PTPRO: variants seen among roughly 807,000 people sequenced by gnomAD.
The protein encoded by PTPRO is protein tyrosine phosphatase receptor type O.
In PTPRO, 62 loss-of-function variants were observed where a neutral mutation model predicts 145.2. The ratio of observed to expected loss-of-function variants is 0.43; its 90% CI spans 0.35 to 0.53. The LOEUF is 0.53. Ranked by LOEUF, PTPRO falls within the 20% of genes least tolerant of loss-of-function variation. The pLI, the probability that PTPRO is intolerant of heterozygous loss-of-function variation, is 0.01. For missense variants in PTPRO, 1,345 were observed against 1,482.7 expected, an observed-to-expected ratio of 0.91 and a Z score of 1.53; for synonymous variants, 565 against 514.7, an observed-to-expected ratio of 1.10 and a Z score of -1.32.
At chr12:15,327,700 T>G (rs1294808810) in intron 1 of PTPRO, among the ~76,000 whole-genome samples, 2 of 152,178 alleles carry the variant, frequency 1.3e-5, no homozygotes, top group Non-Finnish European at 2.9e-5. Flanking sequence ...TGTCATTGAT[T>G]TGAGGAACCC....
chr12:15,583,929 T>A (rs1944376982), intron 23 of PTPRO, among the ~76,000 whole-genome samples: 1 of 152,234 alleles, frequency 6.6e-6, no homozygotes, highest in East Asian at 1.9e-4. Context: ...TCTAACAGGC[T>A]GTGTTTCGTG....
chr12:15,344,838 T>C (rs1357213614), intron 1 of PTPRO, among the ~76,000 whole-genome samples: 1 of 152,202 alleles, frequency 6.6e-6, no homozygotes, highest in Non-Finnish European at 1.5e-5. Flanking sequence ...ACAATGTTCC[T>C]GCTCGGGAAG....
At chr12:15,483,772 A>G (rs1318479759) in intron 1 of PTPRO, among the ~76,000 whole-genome samples, 1 of 152,024 alleles carries the variant, frequency 6.6e-6, no homozygotes, top group Non-Finnish European at 1.5e-5. Context: ...GAAGATTATT[A>G]ATCCTAAGAA....
intron 1 of PTPRO, among the ~76,000 whole-genome samples, chr12:15,346,046 GGT>G (rs1320591523): frequency 6.6e-6 from 1 of 151,996 alleles, no homozygotes; most frequent in African/African-American, 2.4e-5. Context: ...TCATTTCTCT[GGT>G]GCCTTGATCA....
At chr12:15,323,922 T>C (rs1414843811) in intron 1 of PTPRO, among the ~76,000 whole-genome samples, 1 of 152,156 alleles carries the variant, frequency 6.6e-6, no homozygotes, top group Non-Finnish European at 1.5e-5. Flanking sequence ...ATATTTTCAT[T>C]TATCTTAATG....
chr12:15,460,037 G>A (rs556594202), intron 1 of PTPRO, among the ~76,000 whole-genome samples: 19 of 152,238 alleles, frequency 1.2e-4, no homozygotes, highest in African/African-American at 4.3e-4. Context: ...TTGCTAAGAA[G>A]GCTTCACATT....
Position 15,465,628 on chromosome 12 carries a change from G to C in PTPRO, c.76-18346G>C, listed in dbSNP as rs574318667. Among the ~76,000 whole-genome samples, 13 of 152,294 alleles carry C rather than the reference G, an allele frequency of 8.5e-5. 2 individuals are homozygous for C. The highest frequency in any genetic ancestry group is 3.1e-4 in the African/African-American group (13 of 41,562). The stretch of plus-strand genomic sequence containing the variant: ...CGATTCTTTCTGGGGTATCCTAAAG[G>C]CTTCTCACAGAAAGTGGCACTTGAA... On this transcript the variant is annotated intron_variant, in intron 1 of 26. Transcript: ENST00000281171.
intron 10 of PTPRO, among the ~76,000 whole-genome samples, chr12:15,522,796 T>A (rs1161369244): frequency 6.6e-6 from 1 of 152,170 alleles, no homozygotes; most frequent in Non-Finnish European, 1.5e-5. Context: ...CTTCCAGCAA[T>A]ATGCTAGGTT....
chr12:15,569,442 G>T lies in PTPRO; in HGVS notation c.2773G>T (p.Ala925Ser). 6.2e-7 allele frequency: 1 copy of T among 1,613,686 alleles called. No individual in the cohort carries two copies. The highest frequency in any genetic ancestry group is 8.5e-7 in the Non-Finnish European group (1 of 1,179,680). The stretch of plus-strand genomic sequence containing the variant: ...CCCGGTTCAACTGGATGACTTTGAT[G>T]CCTATATTAAGGATATGGCCAAAGA... ...TNPVQLDDFD[A>S]YIKDMAKDSD... Residue 925 changes from alanine to serine, a missense_variant, in exon 19 of 27, where the codon GCC becomes TCC. Ala to Ser is a moderately conservative substitution (Grantham distance 99, BLOSUM62 1). This residue lies in a region of PTPRO where 1,130 missense variants were observed against 1,214.7 expected (regional missense o/e 0.93). Transcript: ENST00000281171.
At chr12:15,426,901 A>G (rs1940301009) in intron 1 of PTPRO, among the ~76,000 whole-genome samples, 1 of 152,110 alleles carries the variant, frequency 6.6e-6, no homozygotes, top group African/African-American at 2.4e-5. Flanking sequence ...CTGTTAATAT[A>G]TTATTATCAT....
At chr12:15,581,544 T>A in intron 22 of PTPRO, 135 bp from the exon 23 acceptor site, 2 of 1,009,780 alleles carry the variant, frequency 2.0e-6, no homozygotes, top group Non-Finnish European at 2.9e-6. Context: ...GCAGAAATGG[T>A]TTGCTTTATG....
At chr12:15,341,815 T>A (rs1866998570) in intron 1 of PTPRO, among the ~76,000 whole-genome samples, 1 of 152,144 alleles carries the variant, frequency 6.6e-6, no homozygotes, top group African/African-American at 2.4e-5. Flanking sequence ...CGTAGCATTG[T>A]CAATAGAGCA....
intron 1 of PTPRO, among the ~76,000 whole-genome samples, chr12:15,420,798 G>A (rs2136326762): frequency 6.6e-6 from 1 of 152,192 alleles, no homozygotes; most frequent in East Asian, 1.9e-4. Flanking sequence ...TCCCTTCTGG[G>A]TCAGTTTTCT....
intron 19 of PTPRO, among the ~76,000 whole-genome samples, chr12:15,573,717 T>G: frequency 6.6e-6 from 1 of 152,186 alleles, no homozygotes. Context: ...CCTTCTTCAT[T>G]TGACAGACTT....
At chr12:15,484,520 A>G (rs935212317) in intron 2 of PTPRO, among the ~76,000 whole-genome samples, 1 of 152,138 alleles carries the variant, frequency 6.6e-6, no homozygotes, top group African/African-American at 2.4e-5. Context: ...CAAATTCATG[A>G]TTGGACCATG....
rs138916706 is a variant in PTPRO at position 15,517,373 on chromosome 12, A to G, written c.1779+417A>G. ...TTACTTCCCACAGGGTCCCTCGCAC[A>G]ACACTTGGGAATTCAAGATGAGATT... On this transcript the variant is annotated intron_variant, in intron 9 of 26. Coordinates refer to ENST00000281171, the MANE Select transcript of PTPRO (RefSeq NM_030667.3). Among the ~76,000 whole-genome samples the G allele has an allele frequency of 1.0e-3, 156 of 152,316 alleles. 1 individual carries two copies. The highest frequency in any genetic ancestry group is 3.6e-3 in the African/African-American group (149 of 41,568).
chr12:15,567,342 T>C (rs1339941196), intron 18 of PTPRO, among the ~76,000 whole-genome samples: 1 of 152,154 alleles, frequency 6.6e-6, no homozygotes, highest in African/African-American at 2.4e-5. Context: ...ATTTTCTATC[T>C]CCACTTGTCT....
intron 23 of PTPRO, among the ~76,000 whole-genome samples, chr12:15,582,321 G>A (rs1944338278): frequency 1.3e-5 from 2 of 152,324 alleles, no homozygotes; most frequent in South Asian, 4.1e-4. Context: ...CCAGATTTGG[G>A]GGCCTGTTCC....
At chr12:15,394,887 A>G (rs951308224) in intron 1 of PTPRO, among the ~76,000 whole-genome samples, 2 of 152,216 alleles carry the variant, frequency 1.3e-5, no homozygotes, top group African/African-American at 4.8e-5. Context: ...CCCAAACTCT[A>G]CTTATCAACT....
Sources: gnomAD v4.1 joint callset for allele counts (sites outside exome capture counted in the v4.1 genomes callset) on GRCh38, gnomAD v4.1.1 for gene constraint, gnomAD v4.1.1 regional missense constraint, MANE v1.5 for transcripts, NCBI Gene and HGNC (gene_info 2026-07-23, HGNC 2026-07-21) for gene names.